The following ZNF365 variants were observed in gnomAD, a reference collection of about 807,000 sequenced individuals.
ZNF365 encodes protein ZNF365.
In ZNF365, 22 loss-of-function variants were observed where a neutral mutation model predicts 35.0. The ratio of observed to expected loss-of-function variants is 0.63; its 90% CI spans 0.45 to 0.90. ZNF365 has a LOEUF of 0.90. Among genes scored for constraint, ZNF365 ranks in the 40% least tolerant of loss-of-function variants. The pLI, the probability that ZNF365 is intolerant of heterozygous loss-of-function variation, is 0.00. For synonymous variants in ZNF365, 188 were observed against 196.2 expected (o/e 0.96, Z 0.35); for missense variants, 448 against 500.3 (o/e 0.90, Z 1.00).
At position 62,376,964 on chromosome 10, in the gene ZNF365, C is replaced by A. The variant is rs764641220; in HGVS notation, c.743+28C>A. 4 of 1,592,728 alleles carry A rather than the reference C, an allele frequency of 2.5e-6. No individual in the cohort carries two copies. The Admixed American group carries it at 6.9e-5, about 27-fold the overall frequency. On this transcript the variant is annotated intron_variant, in intron 2 of 4. Coordinates refer to ENST00000395254, the MANE Select transcript of ZNF365 (RefSeq NM_014951.3). ...AAGTGTTGCTGACAGGGGATGCTAA[C>A]CCCATTGCTTTAAGCAGCACCCCAA...
At chr10:62,423,381 A>G (rs1840203317) in intron 3 of ZNF365, among the ~76,000 whole-genome samples, 1 of 152,180 alleles carries the variant, frequency 6.6e-6, no homozygotes, top group South Asian at 2.1e-4. Flanking sequence ...TACTTCATAG[A>G]GTATTTCACA....
chr10:62,391,480 G>A (rs1316711760), intron 3 of ZNF365, among the ~76,000 whole-genome samples: 1 of 152,086 alleles, frequency 6.6e-6, no homozygotes, highest in African/African-American at 2.4e-5. Flanking sequence ...CCACTTATGA[G>A]TGAGAACATA....
rs529269283 is a variant in ZNF365 at position 62,426,099 on chromosome 10, A to G, written c.925-33642A>G. ...GTTTTATTTTTAGAACTCCAGAACCAAACTCTTCATCTTTGCCCCCACACC... is the reference window on the plus strand; with the variant it reads ...GTTTTATTTTTAGAACTCCAGAACCGAACTCTTCATCTTTGCCCCCACACC... On this transcript the variant is annotated intron_variant, in intron 3 of 4. Coordinates refer to the ZNF365 transcript ENST00000395255. 2.0e-5 allele frequency among the ~76,000 whole-genome samples: 3 copies of G among 152,164 alleles called. No homozygotes were observed. The South Asian group carries it at 6.2e-4, about 32-fold the overall frequency.
exon 5 of ZNF365, chr10:62,480,015 G>A (rs367648172): frequency 9.4e-6 from 14 of 1,496,550 alleles, no homozygotes; most frequent in South Asian, 7.7e-5. Flanking sequence ...TTACACTCCA[G>A]GAACTTTACA....
intron 2 of ZNF365, among the ~76,000 whole-genome samples, chr10:62,377,493 C>A (rs1433651486): frequency 6.6e-6 from 1 of 152,150 alleles, no homozygotes; most frequent in Non-Finnish European, 1.5e-5. Context: ...CATTAGGGCA[C>A]CCAGAGGAAA....
intron 3 of ZNF365, among the ~76,000 whole-genome samples, chr10:62,436,658 T>C (rs1840412340): frequency 6.6e-6 from 1 of 152,188 alleles, no homozygotes; most frequent in Non-Finnish European, 1.5e-5. Flanking sequence ...GCACCCTTCA[T>C]GACCAACATC....
intron 3 of ZNF365, among the ~76,000 whole-genome samples, chr10:62,417,952 G>A (rs147558860): frequency 7.4e-4 from 112 of 152,012 alleles, no homozygotes; most frequent in Admixed American, 1.2e-3. Flanking sequence ...AATTCTAAAG[G>A]GAGTGAGAGA....
At chr10:62,459,900 G>T in intron 4 of ZNF365, 1 of 985,250 alleles carries the variant, frequency 1.0e-6, no homozygotes, top group Non-Finnish European at 1.5e-6. Context: ...CAGGCCATTG[G>T]TTTCTGTATG....
intron 3 of ZNF365, among the ~76,000 whole-genome samples, chr10:62,389,741 C>G (rs1839593924): frequency 6.6e-6 from 1 of 152,248 alleles, no homozygotes; most frequent in East Asian, 1.9e-4. Flanking sequence ...ATCATGTACA[C>G]TTGGCCTTAG....
intron 3 of ZNF365, among the ~76,000 whole-genome samples, chr10:62,394,530 G>C (rs1249778731): frequency 6.6e-6 from 1 of 152,214 alleles, no homozygotes; most frequent in Non-Finnish European, 1.5e-5. Context: ...AGTTGTGTGA[G>C]TGATTTTGAC....
intron 3 of ZNF365, among the ~76,000 whole-genome samples, chr10:62,456,633 C>T (rs575846856): frequency 1.3e-5 from 2 of 152,200 alleles, no homozygotes; most frequent in Non-Finnish European, 2.9e-5. Context: ...AAATTGAGAG[C>T]TCAATGTGAG....
chr10:62,423,476 T>C (rs936556850), intron 3 of ZNF365, among the ~76,000 whole-genome samples: 1 of 152,180 alleles, frequency 6.6e-6, no homozygotes, highest in African/African-American at 2.4e-5. Context: ...CAGGAATGAT[T>C]TGGGTACATT....
At chr10:62,406,209 C>G (rs1839902386), downstream of ZNF365, among the ~76,000 whole-genome samples, 1 of 152,164 alleles carries the variant, frequency 6.6e-6, no homozygotes, top group Non-Finnish European at 1.5e-5. Context: ...GAGCAGAGCT[C>G]TCTCCATGCA....
intron 3 of ZNF365, among the ~76,000 whole-genome samples, chr10:62,416,469 C>G (rs1187797995): frequency 1.3e-5 from 2 of 152,016 alleles, no homozygotes; most frequent in East Asian, 3.8e-4. Context: ...TGTCTGATAT[C>G]TCAAATGGAT....
chr10:62,473,458 C>T (rs368217140), intron 4 of ZNF365, among the ~76,000 whole-genome samples: 4 of 152,062 alleles, frequency 2.6e-5, no homozygotes, highest in South Asian at 4.2e-4. Flanking sequence ...ATCTGAGAGG[C>T]GCCTAGTATC....
intron 2 of ZNF365, among the ~76,000 whole-genome samples, chr10:62,383,745 T>G (rs1564568046): frequency 1.3e-5 from 2 of 152,212 alleles, no homozygotes; most frequent in Non-Finnish European, 2.9e-5. Context: ...TAACCTGTCT[T>G]TAACCCATCT....
At chr10:62,422,504 A>G (rs1333006527) in intron 3 of ZNF365, among the ~76,000 whole-genome samples, 3 of 152,102 alleles carry the variant, frequency 2.0e-5, no homozygotes, top group Non-Finnish European at 4.4e-5. Context: ...AAACCACTCC[A>G]CTATTTAGAC....
intron 3 of ZNF365, among the ~76,000 whole-genome samples, chr10:62,422,580 G>C (rs536716555): frequency 1.2e-3 from 179 of 152,240 alleles, no homozygotes; most frequent in African/African-American, 4.1e-3. Flanking sequence ...TGTACAAATG[G>C]AGCTGTGAGA....
At chr10:62,464,190 C>T (rs962221211) in intron 4 of ZNF365, among the ~76,000 whole-genome samples, 2 of 152,090 alleles carry the variant, frequency 1.3e-5, no homozygotes, top group Non-Finnish European at 2.9e-5. Flanking sequence ...GTGTCAAGTT[C>T]CTATGCAATT....
Sources: gnomAD v4.1 joint callset for allele counts (sites outside exome capture counted in the v4.1 genomes callset) on GRCh38, gnomAD v4.1.1 for gene constraint, MANE v1.5 for transcripts, NCBI Gene and HGNC (gene_info 2026-07-23, HGNC 2026-07-21) for gene names.